The following ERBB4 variants were observed in gnomAD, a reference collection of about 807,000 sequenced individuals.
The protein encoded by ERBB4 is receptor tyrosine-protein kinase erbB-4.
A neutral mutation model predicts 158.0 loss-of-function variants in ERBB4; 42 were observed. That is an observed-to-expected ratio of 0.27 (90% CI 0.21 to 0.34). ERBB4 has a LOEUF of 0.34. Ranked by LOEUF, ERBB4 falls within the 10% of genes least tolerant of loss-of-function variation. The pLI is 1.00. For synonymous variants in ERBB4, 583 were observed against 558.7 expected, an observed-to-expected ratio of 1.04 and a Z score of -0.61; for missense variants, 1,333 against 1,624.1, an observed-to-expected ratio of 0.82 and a Z score of 3.08.
In ERBB4 at chr2:211,481,558, T is replaced by TAC. The variant is rs974867503; in HGVS notation, c.2488-50460_2488-50459dup. ...TTTTTTTTCCTTACAAACCAATATC[T>TAC]ACTCTCTGGAAGTACTGCTGTGCTT... is the stretch of plus-strand genomic sequence containing the variant. On this transcript the variant is annotated intron_variant, in intron 20 of 27. Coordinates refer to ENST00000342788, the MANE Select transcript of ERBB4 (RefSeq NM_005235.3). 3.3e-5 allele frequency among the ~76,000 whole-genome samples: 5 copies of TAC among 151,490 alleles called. 1 individual carries two copies. The highest frequency in any genetic ancestry group is 3.3e-4 in the Admixed American group (5 of 15,206).
intron 20 of ERBB4, among the ~76,000 whole-genome samples, chr2:211,561,165 C>A (rs1559296744): frequency 6.6e-6 from 1 of 152,110 alleles, no homozygotes; most frequent in East Asian, 1.9e-4. Context: ...TAGCAGACTG[C>A]ATGATAAGAA....
chr2:211,787,111 C>A (rs2076183724), intron 4 of ERBB4, among the ~76,000 whole-genome samples: 1 of 151,926 alleles, frequency 6.6e-6, no homozygotes, highest in African/African-American at 2.4e-5. Flanking sequence ...TTTGATTTTT[C>A]ACAAAAATGT....
intron 18 of ERBB4, among the ~76,000 whole-genome samples, chr2:211,621,369 A>C (rs1220556521): frequency 6.6e-6 from 1 of 152,124 alleles, no homozygotes; most frequent in Non-Finnish European, 1.5e-5. Context: ...GGTTAAGCCA[A>C]TTTGCACTTC....
intron 5 of ERBB4, among the ~76,000 whole-genome samples, chr2:211,735,713 G>A (rs1009496967): frequency 3.3e-5 from 5 of 152,068 alleles, no homozygotes; most frequent in African/African-American, 1.2e-4. Flanking sequence ...CCCAGAGAGG[G>A]CCAACACTGA....
At chr2:211,441,323 C>CATCT (rs748385180) in intron 20 of ERBB4, among the ~76,000 whole-genome samples, 1 of 152,070 alleles carries the variant, frequency 6.6e-6, no homozygotes, top group Non-Finnish European at 1.5e-5. Flanking sequence ...AAATGTGAAT[C>CATCT]ATCTATCTTT....
intron 1 of ERBB4, among the ~76,000 whole-genome samples, chr2:212,138,689 C>T (rs913868988): frequency 2.6e-5 from 4 of 152,074 alleles, no homozygotes; most frequent in Admixed American, 6.6e-5. Flanking sequence ...TTCAGTTAGC[C>T]AGGTTAGTGT....
intron 3 of ERBB4, among the ~76,000 whole-genome samples, chr2:211,882,307 T>TA (rs1354343809): frequency 6.6e-6 from 1 of 152,212 alleles, no homozygotes; most frequent in Non-Finnish European, 1.5e-5. Context: ...AGGGCTGGAC[T>TA]AAATGGCTGG....
intron 1 of ERBB4, among the ~76,000 whole-genome samples, chr2:212,361,733 A>C (rs2106363356): frequency 1.3e-5 from 2 of 151,776 alleles, no homozygotes; most frequent in Middle Eastern, 6.8e-3. Context: ...GCCTTAGGCA[A>C]ATTATTTAAC....
chr2:211,699,121 C>T (rs2073135283), intron 12 of ERBB4, among the ~76,000 whole-genome samples: 1 of 152,018 alleles, frequency 6.6e-6, no homozygotes, highest in Non-Finnish European at 1.5e-5. Flanking sequence ...GTTCATAAGC[C>T]AACTCCTAGA....
At chr2:212,097,534 GAGAT>G (rs1174211093) in intron 2 of ERBB4, among the ~76,000 whole-genome samples, 1 of 152,152 alleles carries the variant, frequency 6.6e-6, no homozygotes, top group African/African-American at 2.4e-5. Context: ...GTGGATTTAA[GAGAT>G]AGATTTGGGC....
chr2:212,305,493 GT>G (rs1230737084), intron 1 of ERBB4, among the ~76,000 whole-genome samples: 1 of 150,928 alleles, frequency 6.6e-6, no homozygotes, highest in Non-Finnish European at 1.5e-5. Flanking sequence ...CTATATGATG[GT>G]TGTATAACTC....
chr2:212,080,412 AG>A (rs2078402199), intron 2 of ERBB4, among the ~76,000 whole-genome samples: 1 of 151,632 alleles, frequency 6.6e-6, no homozygotes, highest in Admixed American at 6.6e-5. Context: ...GATACAGTTG[AG>A]GGGGAGAATT....
chr2:212,111,395 T>C (rs1456010286), intron 2 of ERBB4, among the ~76,000 whole-genome samples: 1 of 152,254 alleles, frequency 6.6e-6, no homozygotes, highest in East Asian at 1.9e-4. Flanking sequence ...CTACTGGATT[T>C]GTTACAGCTT....
At chr2:211,839,039 C>T (rs1212158701) in intron 3 of ERBB4, among the ~76,000 whole-genome samples, 1 of 151,786 alleles carries the variant, frequency 6.6e-6, no homozygotes, top group Non-Finnish European at 1.5e-5. Flanking sequence ...AACAATGGAC[C>T]ACCTCTTTGC....
At position 211,946,576 on chromosome 2, in the gene ERBB4, C is replaced by CTCTTT. The variant is rs1469968699; in HGVS notation, c.421+853_421+854insAAAGA. Among the ~76,000 whole-genome samples, 45 of 49,596 alleles carry CTCTTT rather than the reference C, an allele frequency of 9.1e-4. 2 individuals are homozygous for CTCTTT. Among genetic ancestry groups the CTCTTT allele is most frequent in the East Asian group, 7.6e-3 (10 of 1,314 alleles). 32.5% of individuals were successfully genotyped at this position (49,596 alleles called of 152,430 possible). On this transcript the variant is annotated intron_variant, in intron 3 of 27. Transcript: ENST00000342788. ...TACTAATTATTTACTAATTAGCTCTCTTTTTTTTTTTTTTTTTTTTTTTTT... is the reference window on the plus strand; with the variant it reads ...TACTAATTATTTACTAATTAGCTCTCTCTTTTTTTTTTTTTTTTTTTTTTTTTTTT...
chr2:211,500,193 C>T (rs1199157150), intron 20 of ERBB4, among the ~76,000 whole-genome samples: 2 of 152,084 alleles, frequency 1.3e-5, no homozygotes, highest in African/African-American at 4.8e-5. Context: ...TAATTGTATT[C>T]ATCATTTTGT....
chr2:212,136,725 CA>C (rs1225504348), intron 1 of ERBB4, among the ~76,000 whole-genome samples: 1 of 152,154 alleles, frequency 6.6e-6, no homozygotes, highest in African/African-American at 2.4e-5. Flanking sequence ...CTTGCTCATT[CA>C]GGGTAAAGTT....
At chr2:212,377,653 G>C (rs1014772993) in intron 1 of ERBB4, among the ~76,000 whole-genome samples, 1 of 151,810 alleles carries the variant, frequency 6.6e-6, no homozygotes, top group Non-Finnish European at 1.5e-5. Flanking sequence ...GTCAATGGAT[G>C]GGTGGTGAGT....
At chr2:211,721,573 C>T (rs13412270) in intron 7 of ERBB4, among the ~76,000 whole-genome samples, 65 of 145,616 alleles carry the variant, frequency 4.5e-4, no homozygotes, top group African/African-American at 1.4e-3. Context: ...CTTTAACATA[C>T]CCTTTATATA....
Sources: allele counts gnomAD v4.1 joint callset (sites outside exome capture counted in the v4.1 genomes callset), GRCh38; gene constraint gnomAD v4.1.1; transcripts MANE v1.5; gene names NCBI Gene and HGNC (gene_info 2026-07-23, HGNC 2026-07-21).